Variants in ADAMTS6 observed in about 807,000 individuals in gnomAD.
ADAMTS6 encodes the protein ADAM metallopeptidase with thrombospondin type 1 motif 6, also known as A disintegrin and metalloproteinase with thrombospondin motifs 6.
Under a neutral mutation model 144.3 loss-of-function variants are expected in ADAMTS6, and 23 were observed. The observed-to-expected ratio is 0.16, with a 90% CI of 0.11 to 0.23. The LOEUF is 0.23. ADAMTS6 is among the 10% of genes least tolerant of loss of function. The probability of loss-of-function intolerance (pLI) is 1.00; values close to 1 mark genes in which losing one functional copy is unlikely to be tolerated. For synonymous variants in ADAMTS6, 444 were observed against 457.5 expected (o/e 0.97, Z 0.38); for missense variants, 999 against 1,379.6 (o/e 0.72, Z 4.37).
chr5:65,203,926 T>C (rs998766898), intron 20 of ADAMTS6, among the ~76,000 whole-genome samples: 13 of 152,224 alleles, frequency 8.5e-5, no homozygotes, highest in Admixed American at 3.3e-4. Flanking sequence ...GCACTCAAAC[T>C]GTGGTTTCAG....
intron 20 of ADAMTS6, among the ~76,000 whole-genome samples, chr5:65,206,847 CACACACACACACACACACACAAAT>C (rs1034884685): frequency 3.8e-5 from 4 of 104,280 alleles, no homozygotes; most frequent in African/African-American, 1.2e-4. Context: ...CTCACACACA[CACACACACACACACACACACAAAT>C]ACACACACAC....
chr5:65,214,143 T>G lies in ADAMTS6; in HGVS notation c.2575+651A>C. The G allele has an allele frequency of 5.7e-6, 1 of 174,740 alleles. No individual in the cohort carries two copies. The highest frequency in any genetic ancestry group is 6.0e-5 in the Admixed American group (1 of 16,782). 10.8% of individuals were successfully genotyped at this position (174,740 alleles called of 1,614,324 possible). ...TGGTGGCCACTAGAGGGAGGAGGAT[T>G]AGGAATAGAGTAAATTGTAGGGAAA... On this transcript the variant is annotated intron_variant, in intron 20 of 24. Transcript: ENST00000381055. This position sits in a 1 kb window ranked among gnomAD's most constrained non-coding sequence, Gnocchi z 4.6.
rs1753582565 is a variant in ADAMTS6 at position 65,398,772 on chromosome 5, AAGAGAGAGC to A, written c.1073+52694_1073+52702del. Among the ~76,000 whole-genome samples the A allele has an allele frequency of 5.0e-5, 7 of 141,044 alleles. No homozygotes were observed. In the South Asian group the frequency reaches 1.7e-3, roughly 34 times the overall value. The allele number at this position is 141,044 out of a possible 152,430, so 92.5% of individuals were successfully genotyped here. ...AAGAGAGAAAGAGAGAGAGAGAAAG[AAGAGAGAGC>A]AAGAAAGAAAGAAAGAAAGAAAGAA... On this transcript the variant is annotated intron_variant, in intron 7 of 24. Transcript: ENST00000381055.
rs527240275 is a variant in ADAMTS6 at position 65,195,804 on chromosome 5, T to C, written c.2705+1218A>G. Among the ~76,000 whole-genome samples, 7 of 152,318 alleles carry C rather than the reference T, an allele frequency of 4.6e-5. No homozygotes were observed. The South Asian group carries it at 8.3e-4, about 18-fold the overall frequency. On this transcript the variant is annotated intron_variant, in intron 21 of 24. Coordinates refer to ENST00000381055, the MANE Select transcript of ADAMTS6 (RefSeq NM_197941.4). ...TCAGTTTCATGTTGGGATGATTAAT[T>C]AACCAGGAAGATAACAGTTCATCCA... is the stretch of plus-strand genomic sequence containing the variant.
chr5:65,299,809 A>G (rs1743186690), intron 10 of ADAMTS6, among the ~76,000 whole-genome samples, 176 bp downstream of exon 10: 1 of 114,474 alleles, frequency 8.7e-6, no homozygotes, highest in South Asian at 2.7e-4. Context: ...TATAAATTCT[A>G]TATGAAGAAA....
intron 7 of ADAMTS6, among the ~76,000 whole-genome samples, chr5:65,420,083 G>A (rs1755891268): frequency 6.6e-6 from 1 of 152,146 alleles, no homozygotes; most frequent in Non-Finnish European, 1.5e-5. Flanking sequence ...TGAAGGGAAA[G>A]CAAGGTATCT....
At chr5:65,226,249 T>C (rs1757714214) in intron 15 of ADAMTS6, 30 bp from the exon 16 acceptor site, 4 of 1,605,174 alleles carry the variant, frequency 2.5e-6, no homozygotes, top group African/African-American at 1.3e-5. Context: ...GAGAAATAAG[T>C]GGAGTGGTTG....
chr5:65,470,693 T>A, intron 3 of ADAMTS6, 85 bp downstream of exon 3: 2 of 662,418 alleles, frequency 3.0e-6, no homozygotes, highest in Middle Eastern at 9.8e-4. Flanking sequence ...TATATATATA[T>A]TTTTTTTTTA....
At chr5:65,257,312 T>G (rs577180416) in intron 14 of ADAMTS6, among the ~76,000 whole-genome samples, 1 of 152,260 alleles carries the variant, frequency 6.6e-6, no homozygotes, top group Non-Finnish European at 1.5e-5. Flanking sequence ...CACTCCAGAT[T>G]TGTCATCATT....
At chr5:65,351,022 T>A (rs1166855842) in intron 7 of ADAMTS6, among the ~76,000 whole-genome samples, 2 of 119,876 alleles carry the variant, frequency 1.7e-5, no homozygotes, top group Non-Finnish European at 3.8e-5. Flanking sequence ...TAATGCTTTA[T>A]GTTTGTCTCC....
chr5:65,387,171 A>G (rs1752542416), intron 7 of ADAMTS6, among the ~76,000 whole-genome samples: 1 of 152,234 alleles, frequency 6.6e-6, no homozygotes, highest in Non-Finnish European at 1.5e-5. Flanking sequence ...AGTGCTAAGA[A>G]ACAAAACCTA....
At chr5:65,302,906 C>G (rs1743579572) in intron 9 of ADAMTS6, among the ~76,000 whole-genome samples, 1 of 152,092 alleles carries the variant, frequency 6.6e-6, no homozygotes, top group Non-Finnish European at 1.5e-5. Flanking sequence ...TCCTTATGCA[C>G]TCTTTTCTAA....
chr5:65,430,202 C>G (rs1756881443), intron 7 of ADAMTS6, among the ~76,000 whole-genome samples: 1 of 151,146 alleles, frequency 6.6e-6, no homozygotes, highest in South Asian at 2.1e-4. Context: ...AATTAACCAC[C>G]ATTGAAGGGC....
chr5:65,320,560 T>C (rs1041992598), intron 9 of ADAMTS6, among the ~76,000 whole-genome samples: 7 of 152,058 alleles, frequency 4.6e-5, no homozygotes, highest in Non-Finnish European at 1.0e-4. Context: ...CTCTCTTTTT[T>C]TTTTTTACTT....
intron 7 of ADAMTS6, among the ~76,000 whole-genome samples, chr5:65,352,451 T>C (rs138449134): frequency 8.9e-4 from 135 of 152,236 alleles, no homozygotes; most frequent in Non-Finnish European, 1.7e-3. Flanking sequence ...TACTCAACTA[T>C]GAGTGGGAAG....
chr5:65,387,323 AAT>A (rs1752558134), intron 7 of ADAMTS6, among the ~76,000 whole-genome samples: 1 of 152,236 alleles, frequency 6.6e-6, no homozygotes, highest in Admixed American at 6.5e-5. Flanking sequence ...TTCATAGATT[AAT>A]TATTCCTTTA....
chr5:65,254,934 T>C (rs1048276999), intron 14 of ADAMTS6, among the ~76,000 whole-genome samples: 1 of 152,236 alleles, frequency 6.6e-6, no homozygotes, highest in African/African-American at 2.4e-5. Context: ...GTTTGGTACA[T>C]AGTAGTGCTC....
intron 7 of ADAMTS6, among the ~76,000 whole-genome samples, chr5:65,412,451 C>T (rs934162918): frequency 6.6e-6 from 1 of 152,096 alleles, no homozygotes; most frequent in African/African-American, 2.4e-5. Context: ...CGCACACACA[C>T]AATACTTGAC....
At chr5:65,307,926 G>A (rs1017238283) in intron 9 of ADAMTS6, among the ~76,000 whole-genome samples, 7 of 152,050 alleles carry the variant, frequency 4.6e-5, no homozygotes, top group Admixed American at 1.3e-4. Flanking sequence ...TATTAAAGTC[G>A]CAGCCTCCCT....
Sources: allele counts gnomAD v4.1 joint callset (sites outside exome capture counted in the v4.1 genomes callset), GRCh38; gene constraint gnomAD v4.1.1; non-coding constraint Gnocchi (gnomAD v3.1); transcripts MANE v1.5; gene names NCBI Gene and HGNC (gene_info 2026-07-23, HGNC 2026-07-21).